Variants in ZC3H13 observed in about 807,000 individuals in gnomAD.
The protein encoded by ZC3H13 is zinc finger CCCH domain-containing protein 13.
In ZC3H13, 64 loss-of-function variants were observed where a neutral mutation model predicts 204.1. The observed-to-expected ratio is 0.31, with a 90% confidence interval of 0.26 to 0.39. The LOEUF is 0.39. ZC3H13 is among the 10% of genes least tolerant of loss of function. The pLI, the probability that ZC3H13 is intolerant of heterozygous loss-of-function variation, is 1.00. For synonymous variants in ZC3H13, 667 were observed against 693.7 expected (o/e 0.96, Z 0.60); for missense variants, 1,833 against 2,082.7 (o/e 0.88, Z 2.33).
chr13:45,989,518 T>C (rs718530), intron 8 of ZC3H13, among the ~76,000 whole-genome samples: 114,311 of 152,164 alleles, frequency 0.75, 43,442 homozygotes, highest in African/African-American at 0.86. Context: ...TGTAAATTCA[T>C]GGCTATGGTA....
Position 45,975,541 on chromosome 13 carries a change from C to A in ZC3H13, c.2210G>T (p.Arg737Leu). Residue 737 changes from arginine (R) to leucine (L), a missense_variant, in exon 12 of 19, where the codon CGG becomes CTG. Arg to Leu is a moderately radical substitution (Grantham distance 102). Around this residue, in one of 5 missense-constraint regions of ZC3H13, gnomAD observed 1,574 missense variants for 1,757.2 expected, o/e 0.90. Coordinates refer to ENST00000679008, the MANE Select transcript of ZC3H13 (RefSeq NM_001330564.2). ...RDRDRDHDRE[R>L]ERERERDREK... Reference sequence around the variant, plus strand: ...CCTGTCTCGTTCCCTCTCTCTTTCCCGCTCTCGATCGTGGTCTCGGTCTCT... The same window carrying A: ...CCTGTCTCGTTCCCTCTCTCTTTCCAGCTCTCGATCGTGGTCTCGGTCTCT... 1 of 1,595,442 alleles carries A rather than the reference C, an allele frequency of 6.3e-7. No individual in the cohort carries two copies. Among genetic ancestry groups the A allele is most frequent in the African/African-American group, 1.3e-5 (1 of 74,264 alleles).
chr13:45,997,745 T>A (rs2040442884), intron 8 of ZC3H13, among the ~76,000 whole-genome samples: 1 of 152,036 alleles, frequency 6.6e-6, no homozygotes, highest in Admixed American at 6.6e-5. Flanking sequence ...GCCATGTAAA[T>A]GGGTAACTCA....
rs1396023666 is a variant in ZC3H13, at chr13:45,969,578, C to A, written c.2966G>T (p.Gly989Val). The A allele has an allele frequency of 4.3e-6, 7 of 1,610,648 alleles. No individual in the cohort carries two copies. The highest frequency in any genetic ancestry group is 1.6e-4 in the Middle Eastern group (1 of 6,066). ...TCCTTTTTTTGGTGAAAATACTTGA[C>A]CATCTTCAGATGTTGTCTCTATGTT... ...RGNIETTSED[G>V]QVFSPKKGQK... is the part of the protein sequence containing the mutation. The change falls in exon 14 of 19, where the codon GGT becomes GTT. Residue 989 changes from glycine (G) to valine (V), a missense_variant. Coordinates refer to ENST00000679008, the MANE Select transcript of ZC3H13 (RefSeq NM_001330564.2).
At position 45,967,811 on chromosome 13, in the gene ZC3H13, A is replaced by C; in HGVS notation, c.4014T>G (p.Asp1338Glu). Residue 1338 changes from aspartate (D) to glutamate (E), a missense_variant, in exon 15 of 19, where the codon GAT (aspartate) becomes GAG (glutamate). Asp to Glu is a conservative substitution (Grantham distance 45). Transcript: ENST00000679008. ...DKDWPRNRDR[D>E]RLRERERERE... ...TCTCTCGTTCTCGTTCTCGCAATCT[A>C]TCTCGATCCCTGTTGCGTGGCCAAT... The C allele has an allele frequency of 6.2e-7, 1 of 1,613,160 alleles. No homozygotes were observed. The highest frequency in any genetic ancestry group is 8.5e-7 in the Non-Finnish European group (1 of 1,179,632).
rs1474906308 is a variant in ZC3H13, at chr13:45,955,839, T to C, written c.*1288A>G. The C allele has an allele frequency of 6.6e-6, 1 of 152,164 alleles. No homozygotes were observed. Among genetic ancestry groups the C allele is most frequent in the African/African-American group, 2.4e-5 (1 of 41,448 alleles). 9.4% of individuals were successfully genotyped at this position (152,164 alleles called of 1,614,324 possible). ...TTGTATAAAGTAACTTTACAACATA[T>C]GTTTCTTGAACAGAAACTTTACACC... On this transcript the variant is annotated 3_prime_UTR_variant, in exon 19 of 19. Coordinates refer to ENST00000679008, the MANE Select transcript of ZC3H13 (RefSeq NM_001330564.2).
At chr13:45,980,490 T>C (rs1446852908) in intron 10 of ZC3H13, among the ~76,000 whole-genome samples, 1 of 152,234 alleles carries the variant, frequency 6.6e-6, no homozygotes, top group Non-Finnish European at 1.5e-5. Flanking sequence ...ACAGTGGCTT[T>C]GTTGATAACA....
intron 12 of ZC3H13, among the ~76,000 whole-genome samples, chr13:45,974,680 T>C (rs1952866829): frequency 6.6e-6 from 1 of 152,172 alleles, no homozygotes; most frequent in African/African-American, 2.4e-5. Context: ...TTGTGAATGC[T>C]TCCTGTAGCC....
Position 45,956,387 on chromosome 13 carries a change from G to A in ZC3H13, c.*740C>T, listed in dbSNP as rs531051656. 2.6e-5 allele frequency: 4 copies of A among 152,174 alleles called. No individual in the cohort carries two copies. The South Asian group carries it at 6.2e-4, about 24-fold the overall frequency. The allele number at this position is 152,174 out of a possible 1,614,324, so 9.4% of individuals were successfully genotyped here. A position where few individuals can be genotyped will look rare whatever the true frequency, so the allele number is the denominator to read the frequency against. ...GAAGCATGAAACATGTAATGTTGATGACTAATGTTCTAGATCATCAGGAAT... is the reference window on the plus strand; with the variant it reads ...GAAGCATGAAACATGTAATGTTGATAACTAATGTTCTAGATCATCAGGAAT... On this transcript the variant is annotated 3_prime_UTR_variant, in exon 19 of 19. Transcript: ENST00000679008.
chr13:45,998,346 T>C (rs1348069234), intron 8 of ZC3H13, among the ~76,000 whole-genome samples: 1 of 152,020 alleles, frequency 6.6e-6, no homozygotes, highest in African/African-American at 2.4e-5. Flanking sequence ...ACAATAGATT[T>C]ATATCTAAAA....
Position 46,042,165 on chromosome 13 carries a change from C to T in ZC3H13, c.338G>A (p.Arg113Lys), listed in dbSNP as rs763891640. 1.2e-6 allele frequency: 2 copies of T among 1,611,614 alleles called. No homozygotes were observed. Among genetic ancestry groups the T allele is most frequent in the Non-Finnish European group, 1.7e-6 (2 of 1,178,240 alleles). The change falls in exon 4 of 19, where the codon AGG becomes AAG. Residue 113 changes from arginine (R) to lysine (K), a missense_variant and splice_region_variant. This residue lies in a region of ZC3H13 where 1,574 missense variants were observed against 1,757.2 expected (regional missense o/e 0.90). Coordinates refer to ENST00000679008, the MANE Select transcript of ZC3H13 (RefSeq NM_001330564.2). ...RNTEESSSPV[R>K]KESSRGRHRE... Reference sequence around the variant, plus strand: ...TTGTTTTGGGAAATTCAATCCTACCCTAACAGGTGAGGATGACTCCTCTGT... The same window carrying T: ...TTGTTTTGGGAAATTCAATCCTACCTTAACAGGTGAGGATGACTCCTCTGT...
intron 4 of ZC3H13, among the ~76,000 whole-genome samples, chr13:46,025,479 A>T (rs912055461): frequency 1.4e-4 from 21 of 152,026 alleles, no homozygotes; most frequent in Admixed American, 2.6e-4. Context: ...TAATTAAAAA[A>T]TTTTTTTATT....
At chr13:46,027,779 G>A (rs1264457520) in intron 4 of ZC3H13, among the ~76,000 whole-genome samples, 1 of 152,024 alleles carries the variant, frequency 6.6e-6, no homozygotes, top group East Asian at 1.9e-4. Context: ...GTAAACTCTA[G>A]GGTAACCACC....
intron 4 of ZC3H13, among the ~76,000 whole-genome samples, chr13:46,036,184 C>CG (rs2043199972): frequency 6.6e-6 from 1 of 150,574 alleles, no homozygotes; most frequent in South Asian, 2.1e-4. Context: ...TAGGGGATGT[C>CG]GGGGGGCAGT....
chr13:46,038,778 T>G (rs2043372400), intron 4 of ZC3H13, among the ~76,000 whole-genome samples: 1 of 152,150 alleles, frequency 6.6e-6, no homozygotes, highest in Admixed American at 6.6e-5. Flanking sequence ...ATCCCAGGAC[T>G]TTGGGAGGCT....
Position 45,967,799 on chromosome 13 carries a change from TTCTCGC to T in ZC3H13, c.4020_4025del (p.Glu1348_Arg1349del), listed in dbSNP as rs780646669. On this transcript the variant is annotated inframe_deletion, in exon 15 of 19. Transcript: ENST00000679008. ...TGTCTCGTTCTCTCTCTCGTTCTCGTTCTCGCAATCTATCTCGATCCCTGTTGCGTG... is the reference window on the plus strand; with the variant it reads ...TGTCTCGTTCTCTCTCTCGTTCTCGTAATCTATCTCGATCCCTGTTGCGTG... 9.3e-6 allele frequency: 15 copies of T among 1,612,682 alleles called. No individual in the cohort carries two copies. Among genetic ancestry groups the T allele is most frequent in the Non-Finnish European group, 1.1e-5 (13 of 1,179,350 alleles).
At chr13:45,976,652 GCCCAAATA>G (rs1953075492) in intron 11 of ZC3H13, among the ~76,000 whole-genome samples, 1 of 152,108 alleles carries the variant, frequency 6.6e-6, no homozygotes, top group South Asian at 2.1e-4. Context: ...AATGCATGCT[GCCCAAATA>G]CCCAGTTGAG....
At chr13:45,962,806 C>T (rs981574008) in intron 17 of ZC3H13, 7 of 985,114 alleles carry the variant, frequency 7.1e-6, no homozygotes, top group Non-Finnish European at 7.2e-6. Context: ...TTCCTTTCAC[C>T]TTTTACCTCC....
intron 12 of ZC3H13, among the ~76,000 whole-genome samples, chr13:45,975,020 A>G (rs1251696685): frequency 6.6e-6 from 1 of 151,698 alleles, no homozygotes; most frequent in Non-Finnish European, 1.5e-5. Flanking sequence ...TAATTTTTGT[A>G]TTTTCTGTAG....
intron 4 of ZC3H13, among the ~76,000 whole-genome samples, chr13:46,030,189 A>T (rs528868039): frequency 2.9e-4 from 44 of 152,222 alleles, no homozygotes; most frequent in African/African-American, 9.9e-4. Flanking sequence ...TCAGACTAAT[A>T]AAAACTCTTG....
Sources: gnomAD v4.1 joint callset for allele counts (sites outside exome capture counted in the v4.1 genomes callset) on GRCh38, gnomAD v4.1.1 for gene constraint, gnomAD v4.1.1 regional missense constraint, MANE v1.5 for transcripts, NCBI Gene and HGNC (gene_info 2026-07-23, HGNC 2026-07-21) for gene names.